The following PCDHGA2 variants were observed in gnomAD, a reference collection of about 807,000 sequenced individuals.
The protein encoded by PCDHGA2 is protocadherin gamma-A2.
In PCDHGA2, 40 loss-of-function variants were observed where a neutral mutation model predicts 59.2. The ratio of observed to expected loss-of-function variants is 0.68; its 90% CI spans 0.52 to 0.88. The LOEUF is 0.88. PCDHGA2 is among the 40% of genes least tolerant of loss of function. PCDHGA2 has a pLI of 0.00. For missense variants in PCDHGA2, 1,226 were observed against 1,204.0 expected, an observed-to-expected ratio of 1.02 and a Z score of -0.27; for synonymous variants, 560 against 526.0, an observed-to-expected ratio of 1.06 and a Z score of -0.89.
chr5:141,409,659 A>C, intron 1 of PCDHGA2: 1 of 1,613,574 alleles, frequency 6.2e-7, no homozygotes, highest in Non-Finnish European at 8.5e-7. Flanking sequence ...CTCAATGGCC[A>C]CATCTCCTAC....
rs1236074950 is a variant in PCDHGA2 at position 141,489,119 on chromosome 5, C to G, written c.2425-5688C>G. On this transcript the variant is annotated intron_variant, in intron 1 of 3. Transcript: ENST00000394576. This position sits in a 1 kb window ranked among gnomAD's most constrained non-coding sequence, Gnocchi z 4.5. ...GAACTGCTGCAAGCAGGCAAACCTC[C>G]GAGCAGTTTTTAAGAGGCTGGAAGG... The G allele has an allele frequency of 1.5e-6, 1 of 650,358 alleles. No individual in the cohort carries two copies. Among genetic ancestry groups the G allele is most frequent in the Non-Finnish European group, 2.5e-6 (1 of 400,690 alleles). The allele number at this position is 650,358 out of a possible 1,614,324, so 40.3% of individuals were successfully genotyped here. A position where few individuals can be genotyped will look rare whatever the true frequency, so the allele number is the denominator to read the frequency against.
chr5:141,478,272 A>T, intron 1 of PCDHGA2: 7 of 1,614,160 alleles, frequency 4.3e-6, no homozygotes, highest in Non-Finnish European at 5.9e-6. Context: ...AAAGTTTACA[A>T]GTGGAAGCAG....
intron 1 of PCDHGA2, chr5:141,399,174 T>A: frequency 6.2e-7 from 1 of 1,613,818 alleles, no homozygotes; most frequent in Non-Finnish European, 8.5e-7. Flanking sequence ...ATTCTCTACT[T>A]GAAATGATTC....
chr5:141,367,484 C>A (rs1377181139), intron 1 of PCDHGA2: 13 of 152,012 alleles, frequency 8.6e-5, no homozygotes, highest in Admixed American at 8.5e-4. Flanking sequence ...TTGCAGTAAG[C>A]CGAGATCGCG....
chr5:141,344,591 T>C, intron 1 of PCDHGA2: 2 of 1,614,016 alleles, frequency 1.2e-6, no homozygotes, highest in Non-Finnish European at 1.7e-6. Context: ...ATAGCGTCTC[T>C]GAGGGGGCCA....
intron 1 of PCDHGA2, chr5:141,419,822 T>A: frequency 6.2e-7 from 1 of 1,614,058 alleles, no homozygotes; most frequent in Non-Finnish European, 8.5e-7. Flanking sequence ...GCCACCCCTT[T>A]CAGCCACTGC....
At position 141,487,398 on chromosome 5, in the gene PCDHGA2, G is replaced by A. The variant is rs1342197934; in HGVS notation, c.2425-7409G>A. 1.9e-6 allele frequency: 3 copies of A among 1,613,926 alleles called. No individual in the cohort carries two copies. The African/African-American group carries it at 4.0e-5, about 22-fold the overall frequency. ...CTCACCAGATCTCGAAGGAGGGAGGGGCTTCCCCCTTCCAATGGGATCCTC... is the reference window on the plus strand; with the variant it reads ...CTCACCAGATCTCGAAGGAGGGAGGAGCTTCCCCCTTCCAATGGGATCCTC... On this transcript the variant is annotated intron_variant, in intron 1 of 3. Transcript: ENST00000394576. The surrounding 1 kb of genome is among the most constrained non-coding windows in gnomAD (Gnocchi z 5.0).
rs200072718 is a variant in PCDHGA2 at position 141,389,516 on chromosome 5, G to C, written c.2424+48121G>C. 4,499 of 1,613,168 alleles carry C rather than the reference G, an allele frequency of 2.8e-3. 16 individuals are homozygous for C. Among genetic ancestry groups the C allele is most frequent in the Non-Finnish European group, 3.4e-3 (4,037 of 1,179,766 alleles). The stretch of plus-strand genomic sequence containing the variant: ...GCTCGCCAGCGCTCAGCGCGAACGT[G>C]AGCCTGCGCGTGTTAGTGGACGACC... On this transcript the variant is annotated intron_variant, in intron 1 of 3. Coordinates refer to ENST00000394576, the MANE Select transcript of PCDHGA2 (RefSeq NM_018915.4).
In PCDHGA2 at chr5:141,341,073, C is replaced by T; in HGVS notation, c.2102C>T (p.Ser701Phe). The T allele has an allele frequency of 6.2e-7, 1 of 1,614,220 alleles. No individual in the cohort carries two copies. The highest frequency in any genetic ancestry group is 8.5e-7 in the Non-Finnish European group (1 of 1,180,044). ...CTGGTGGTGGCGGTGGCCGCGGTCT[C>T]CTGCGTCTTCCTGGCCTTCGTCATC... ...LYLVVAVAAV[S>F]CVFLAFVIVL... The change falls in exon 1 of 4, where the codon TCC becomes TTC. Residue 701 changes from serine (S) to phenylalanine (F), a missense_variant. Transcript: ENST00000394576.
Position 141,349,867 on chromosome 5 carries a change from T to C in PCDHGA2, c.2424+8472T>C, listed in dbSNP as rs149865031. On this transcript the variant is annotated intron_variant, in intron 1 of 3. Coordinates refer to ENST00000394576, the MANE Select transcript of PCDHGA2 (RefSeq NM_018915.4). ...TTTTAAATGAAAAAAGAATACGAAA[T>C]GATGAAGGCCCTTATCTGATGATGA... 4.0e-3 allele frequency among the ~76,000 whole-genome samples: 616 copies of C among 152,136 alleles called. 6 individuals are homozygous for C. Among genetic ancestry groups the C allele is most frequent in the Admixed American group, 0.011 (174 of 15,278 alleles).
chr5:141,399,850 C>T (rs768366007), intron 1 of PCDHGA2: 1 of 1,612,946 alleles, frequency 6.2e-7, no homozygotes, highest in Non-Finnish European at 8.5e-7. Flanking sequence ...CGATATGGTG[C>T]CGCGCGCTGC....
At chr5:141,388,652 C>T in intron 1 of PCDHGA2, 1 of 1,613,844 alleles carries the variant, frequency 6.2e-7, no homozygotes, top group African/African-American at 1.3e-5. Context: ...AAAACGTGTA[C>T]CCGGGGACCA....
intron 1 of PCDHGA2, chr5:141,433,018 T>C: frequency 6.2e-7 from 1 of 1,614,120 alleles, no homozygotes. Flanking sequence ...TGCAGACCTA[T>C]TCCCACGAGG....
chr5:141,433,361 ATCT>A, intron 1 of PCDHGA2: 2 of 297,578 alleles, frequency 6.7e-6, no homozygotes, highest in Non-Finnish European at 1.3e-5. Context: ...CTGTCTGCCT[ATCT>A]ATCTATCTAT....
chr5:141,372,155 G>A (rs1257582169), intron 1 of PCDHGA2: 1 of 1,613,678 alleles, frequency 6.2e-7, no homozygotes, highest in Admixed American at 1.7e-5. Flanking sequence ...CTGGCTACCT[G>A]GTGACCAAGG....
chr5:141,376,631 G>A (rs1250313764), intron 1 of PCDHGA2: 5 of 1,182,416 alleles, frequency 4.2e-6, no homozygotes, highest in East Asian at 2.7e-5. Context: ...AGGAAGATTC[G>A]TGATTTTGTA....
intron 1 of PCDHGA2, chr5:141,421,909 C>T: frequency 1.9e-6 from 3 of 1,613,710 alleles, no homozygotes; most frequent in Non-Finnish European, 2.5e-6. Context: ...GGGCGCAGTT[C>T]CCATTCGTGT....
intron 1 of PCDHGA2, chr5:141,376,411 C>G (rs904052827): frequency 4.3e-6 from 7 of 1,614,180 alleles, no homozygotes; most frequent in South Asian, 3.3e-5. Flanking sequence ...CCAACTATGC[C>G]GACACGCTTA....
chr5:141,422,066 A>G, intron 1 of PCDHGA2: 1 of 1,612,154 alleles, frequency 6.2e-7, no homozygotes. Context: ...GAAGTAATGT[A>G]TTCATTTCGG....
Sources: gnomAD v4.1 joint callset for allele counts (sites outside exome capture counted in the v4.1 genomes callset) on GRCh38, gnomAD v4.1.1 for gene constraint, Gnocchi (gnomAD v3.1) non-coding constraint, MANE v1.5 for transcripts, NCBI Gene and HGNC (gene_info 2026-07-23, HGNC 2026-07-21) for gene names.